The following CDH1 variants were observed in gnomAD, a reference collection of about 807,000 sequenced individuals.
The protein encoded by CDH1 is cadherin-1.
CDH1 carries 35 observed loss-of-function variants against 84.5 expected under a neutral mutation model. The observed-to-expected ratio is 0.41, with a 90% CI of 0.32 to 0.55. CDH1 has a LOEUF of 0.55. Ranked by LOEUF, CDH1 falls within the 20% of genes least tolerant of loss-of-function variation. The probability of loss-of-function intolerance (pLI) is 0.19; values close to 1 mark genes in which losing one functional copy is unlikely to be tolerated. For missense variants in CDH1, 994 were observed against 1,126.6 expected, an observed-to-expected ratio of 0.88 and a Z score of 1.68; for synonymous variants, 417 against 439.0, an observed-to-expected ratio of 0.95 and a Z score of 0.63.
intron 2 of CDH1, among the ~76,000 whole-genome samples, chr16:68,760,236 A>G (rs1963132243): frequency 7.1e-6 from 1 of 139,990 alleles, no homozygotes; most frequent in Non-Finnish European, 1.5e-5. Context: ...AGTAGCTGGG[A>G]CTATAGGTGC....
At chr16:68,755,477 C>T (rs1204462457) in intron 2 of CDH1, among the ~76,000 whole-genome samples, 1 of 151,546 alleles carries the variant, frequency 6.6e-6, no homozygotes, top group African/African-American at 2.4e-5. Flanking sequence ...AACTCCTGAG[C>T]TTAAGCAATA....
intron 2 of CDH1, among the ~76,000 whole-genome samples, chr16:68,788,267 A>T (rs993417957): frequency 6.6e-6 from 1 of 152,204 alleles, no homozygotes; most frequent in African/African-American, 2.4e-5. Flanking sequence ...CCTAATAGCT[A>T]TATATTTCTT....
chr16:68,764,449 C>T (rs1441494262), intron 2 of CDH1, among the ~76,000 whole-genome samples: 1 of 152,178 alleles, frequency 6.6e-6, no homozygotes, highest in South Asian at 2.1e-4. Flanking sequence ...TGGTGCTGTG[C>T]ACCTGTAGTC....
At chr16:68,804,441 A>G (rs1439551625) in intron 3 of CDH1, among the ~76,000 whole-genome samples, 1 of 152,050 alleles carries the variant, frequency 6.6e-6, no homozygotes, top group Non-Finnish European at 1.5e-5. Flanking sequence ...ACCTTTGTGG[A>G]ATTCTCCACA....
At chr16:68,740,304 C>G (rs72785183) in intron 2 of CDH1, among the ~76,000 whole-genome samples, 3 of 151,830 alleles carry the variant, frequency 2.0e-5, no homozygotes, top group African/African-American at 7.3e-5. Flanking sequence ...CTTTGGAAGT[C>G]ATTCGAAGTT....
chr16:68,745,643 A>T (rs1431182274), intron 2 of CDH1, among the ~76,000 whole-genome samples: 2 of 94,358 alleles, frequency 2.1e-5, no homozygotes, highest in African/African-American at 6.7e-5. Context: ...ATATTTCATG[A>T]TGCACATGCC....
At chr16:68,743,016 A>G (rs201226400) in intron 2 of CDH1, among the ~76,000 whole-genome samples, 1 of 152,216 alleles carries the variant, frequency 6.6e-6, no homozygotes, top group Non-Finnish European at 1.5e-5. Context: ...CGGCAAGGCC[A>G]TGTAAAGAAG....
intron 8 of CDH1, among the ~76,000 whole-genome samples, chr16:68,813,007 C>G (rs1222131989): frequency 6.6e-6 from 1 of 151,886 alleles, no homozygotes; most frequent in African/African-American, 2.4e-5. Flanking sequence ...ACCATTGCAC[C>G]CCAGTGCGCC....
rs1555518209 is a variant in CDH1, at chr16:68,833,286, T to G, written c.2440-4T>G. 1 of 1,613,798 alleles carries G rather than the reference T, an allele frequency of 6.2e-7. No individual in the cohort carries two copies. The highest frequency in any genetic ancestry group is 1.3e-5 in the African/African-American group (1 of 75,022). On this transcript the variant is annotated splice_region_variant and splice_polypyrimidine_tract_variant and intron_variant, in intron 15 of 15. Transcript: ENST00000261769. ...AAAAGATGCTTTTGTCCCTTCTTCT[T>G]TAGAATCTGAAAGCGGCTGATACTG... is the stretch of plus-strand genomic sequence containing the variant.
chr16:68,805,408 G>T (rs1346246447), intron 3 of CDH1, among the ~76,000 whole-genome samples: 2 of 152,140 alleles, frequency 1.3e-5, no homozygotes, highest in Non-Finnish European at 2.9e-5. Flanking sequence ...ATGTTAGTGT[G>T]ATGTTTTGCC....
chr16:68,796,025 T>A (rs1476752253), intron 2 of CDH1, among the ~76,000 whole-genome samples: 1 of 151,724 alleles, frequency 6.6e-6, no homozygotes, highest in Admixed American at 6.6e-5. Flanking sequence ...TAGCCGGGCG[T>A]GGTGGCAGGC....
chr16:68,804,849 G>A (rs79909113), intron 3 of CDH1, among the ~76,000 whole-genome samples: 1 of 52,876 alleles, frequency 1.9e-5, no homozygotes, highest in African/African-American at 1.6e-4. Flanking sequence ...TTTTTTTTTG[G>A]AGACAGAGTC....
intron 6 of CDH1, among the ~76,000 whole-genome samples, chr16:68,810,992 T>C (rs1329498967): frequency 6.6e-6 from 1 of 152,136 alleles, no homozygotes; most frequent in Non-Finnish European, 1.5e-5. Context: ...AGGCATGAGC[T>C]ACTATACCTG....
chr16:68,829,570 A>C, intron 14 of CDH1, 84 bp from the exon 15 acceptor site: 3 of 1,362,570 alleles, frequency 2.2e-6, no homozygotes, highest in Non-Finnish European at 3.1e-6. Flanking sequence ...TCATCCAACC[A>C]TAATCTATAA....
chr16:68,805,029 G>C (rs1049480751), intron 3 of CDH1, among the ~76,000 whole-genome samples: 1 of 144,482 alleles, frequency 6.9e-6, no homozygotes, highest in Admixed American at 7.0e-5. Flanking sequence ...TGTAGAGATA[G>C]GGTTTCACTT....
At chr16:68,820,697 A>G (rs1156737158) in intron 11 of CDH1, among the ~76,000 whole-genome samples, 2 of 152,100 alleles carry the variant, frequency 1.3e-5, no homozygotes, top group Admixed American at 1.3e-4. Context: ...GAAAAATGTT[A>G]ATACCCATGT....
At chr16:68,737,543 C>T (rs1288444528) in intron 1 of CDH1, 80 bp downstream of exon 1, 4 of 1,235,258 alleles carry the variant, frequency 3.2e-6, no homozygotes, top group African/African-American at 3.0e-5. Context: ...CTTCCTCTCC[C>T]GTCGTCACCG....
At chr16:68,773,744 C>T (rs1959648998) in intron 2 of CDH1, among the ~76,000 whole-genome samples, 1 of 152,198 alleles carries the variant, frequency 6.6e-6, no homozygotes, top group Non-Finnish European at 1.5e-5. Context: ...AGTCCAGGGT[C>T]CCACAGATGG....
chr16:68,813,676 A>C, intron 9 of CDH1, 181 bp downstream of exon 9: 1 of 752,788 alleles, frequency 1.3e-6, no homozygotes, highest in Non-Finnish European at 2.4e-6. Flanking sequence ...GAAATCAAGA[A>C]ACTGTGCTGT....
Sources: allele counts gnomAD v4.1 joint callset (sites outside exome capture counted in the v4.1 genomes callset), GRCh38; gene constraint gnomAD v4.1.1; transcripts MANE v1.5; gene names NCBI Gene and HGNC (gene_info 2026-07-23, HGNC 2026-07-21).